Variants in REST observed in about 807,000 individuals in gnomAD.
REST encodes the protein RE1 silencing transcription factor.
REST carries 1 observed loss-of-function variant against 30.4 expected under a neutral mutation model. The ratio of observed to expected loss-of-function variants is 0.03; its 90% CI spans 0.01 to 0.16. The LOEUF (loss-of-function observed/expected upper bound fraction) is 0.16, where lower values mean the gene tolerates loss of function less well. REST is among the 10% of genes least tolerant of loss of function. The pLI is 1.00. For missense variants in REST, 1,259 were observed against 1,329.5 expected, an observed-to-expected ratio of 0.95 and a Z score of 0.82; for synonymous variants, 504 against 451.1, an observed-to-expected ratio of 1.12 and a Z score of -1.49.
intron 2 of REST, among the ~76,000 whole-genome samples, chr4:56,913,266 C>A (rs1025941555): frequency 6.6e-6 from 1 of 152,096 alleles, no homozygotes; most frequent in Admixed American, 6.6e-5. Flanking sequence ...TTCAGGCAGT[C>A]CTCCCATCTC....
chr4:56,930,503 A>G lies in REST; in HGVS notation c.1645A>G (p.Ser549Gly). The change falls in exon 4 of 4, where the codon AGC (serine) becomes GGC (glycine). Residue 549 changes from serine to glycine, a missense_variant. Ser to Gly is a moderately conservative substitution (Grantham distance 56). This residue lies in a region of REST where 856 missense variants were observed against 772.8 expected (regional missense o/e 1.11). Coordinates refer to ENST00000309042, the MANE Select transcript of REST (RefSeq NM_005612.5). ...AACAAAAAAGAAAAAGAAGGTAGAA[A>G]GCAAATCCAAAAATAATAGTCAGGA... ...SSTKKKKKVE[S>G]KSKNNSQEVP... 6.2e-7 allele frequency: 1 copy of G among 1,611,466 alleles called. No homozygotes were observed. Among genetic ancestry groups the G allele is most frequent in the Non-Finnish European group, 8.5e-7 (1 of 1,179,428 alleles).
rs1560452115 is a variant in REST at position 56,930,801 on chromosome 4, C to T, written c.1943C>T (p.Pro648Leu). 2.5e-6 allele frequency: 4 copies of T among 1,606,934 alleles called. No individual in the cohort carries two copies. Among genetic ancestry groups the T allele is most frequent in the Non-Finnish European group, 3.4e-6 (4 of 1,176,584 alleles). ...QMEGAQIRPA[P>L]DEPVQMEVVQ... is the part of the protein sequence containing the mutation. ...GAGGGTGCCCAGATACGGCCTGCTC[C>T]TGACGAGCCTGTTCAGATGGAGGTG... is the stretch of plus-strand genomic sequence containing the variant. Residue 648 changes from proline (P) to leucine (L), a missense_variant, in exon 4 of 4, where the codon CCT becomes CTT. By Grantham distance (98) the Pro-to-Leu change is moderately conservative (BLOSUM62 -3). This residue lies in a region of REST where 856 missense variants were observed against 772.8 expected (regional missense o/e 1.11). Transcript: ENST00000309042.
At chr4:56,928,802 T>A (rs1420970088) in intron 3 of REST, among the ~76,000 whole-genome samples, 1 of 151,636 alleles carries the variant, frequency 6.6e-6, no homozygotes, top group Non-Finnish European at 1.5e-5. Flanking sequence ...TTGGCCAGGC[T>A]TGCCTTGAAC....
chr4:56,924,895 G>T (rs1720613901), intron 3 of REST, among the ~76,000 whole-genome samples: 2 of 152,082 alleles, frequency 1.3e-5, no homozygotes, highest in Admixed American at 1.3e-4. Flanking sequence ...GCTATGCACG[G>T]TTGTTCACAC....
At position 56,934,235 on chromosome 4, in the gene REST, A is replaced by C. The variant is rs1324492565; in HGVS notation, c.*2083A>C. 1 of 152,224 alleles carries C rather than the reference A, an allele frequency of 6.6e-6. No homozygotes were observed. The highest frequency in any genetic ancestry group is 1.5e-5 in the Non-Finnish European group (1 of 68,040). 9.4% of individuals were successfully genotyped at this position (152,224 alleles called of 1,614,324 possible). On this transcript the variant is annotated 3_prime_UTR_variant, in exon 4 of 4. Coordinates refer to ENST00000309042, the MANE Select transcript of REST (RefSeq NM_005612.5). ...TTTCTAATGACTAGTTTTAATGTTC[A>C]TGGGTACATTTTACCTAAGTTACCG...
chr4:56,930,753 C>T lies in REST; in HGVS notation c.1895C>T (p.Pro632Leu), dbSNP rs202214963. The T allele has an allele frequency of 3.1e-6, 5 of 1,601,176 alleles. No homozygotes were observed. Among genetic ancestry groups the T allele is most frequent in the Non-Finnish European group, 8.5e-7 (1 of 1,176,182 alleles). The change falls in exon 4 of 4, where the codon CCT becomes CTT. Residue 632 changes from proline to leucine, a missense_variant. This residue lies in a region of REST where 856 missense variants were observed against 772.8 expected (regional missense o/e 1.11). Coordinates refer to ENST00000309042, the MANE Select transcript of REST (RefSeq NM_005612.5). Reference sequence around the variant, plus strand: ...GGGCCCGTTCAGGTGGAGCCGCCACCTCCCATGGAGCATGCTCAGATGGAG... The same window carrying T: ...GGGCCCGTTCAGGTGGAGCCGCCACTTCCCATGGAGCATGCTCAGATGGAG... ...QKGPVQVEPP[P>L]PMEHAQMEGA...
At chr4:56,917,875 C>A (rs918929892) in intron 2 of REST, among the ~76,000 whole-genome samples, 1 of 151,290 alleles carries the variant, frequency 6.6e-6, no homozygotes, top group Non-Finnish European at 1.5e-5. Context: ...CAAGGTGAAA[C>A]CCCGTCTCTG....
At position 56,910,996 on chromosome 4, in the gene REST, G is replaced by C. The variant is rs772055621; in HGVS notation, c.358G>C (p.Glu120Gln). The C allele has an allele frequency of 1.2e-6, 2 of 1,614,048 alleles. No homozygotes were observed. Among genetic ancestry groups the C allele is most frequent in the African/African-American group, 2.7e-5 (2 of 74,900 alleles). ...ELRSLELSVV[E>Q]PQPVFEASGA... is the part of the protein sequence containing the mutation. ...GAGAAGTTTGGAACTCAGCGTCGTA[G>C]AACCTCAGCCTGTATTTGAGGCATC... Residue 120 changes from glutamate to glutamine, a missense_variant, in exon 2 of 4, where the codon GAA (glutamate) becomes CAA (glutamine). Glu to Gln is a conservative substitution (Grantham distance 29). Coordinates refer to ENST00000309042, the MANE Select transcript of REST (RefSeq NM_005612.5).
chr4:56,923,942 T>C (rs13146960), intron 3 of REST, among the ~76,000 whole-genome samples: 54,040 of 151,712 alleles, frequency 0.36, 9,911 homozygotes, highest in Middle Eastern at 0.5. Flanking sequence ...AGGATAGTCT[T>C]GATCTCCTGA....
chr4:56,929,437 GC>G (rs746461543), intron 3 of REST, among the ~76,000 whole-genome samples: 1 of 152,194 alleles, frequency 6.6e-6, no homozygotes, highest in Non-Finnish European at 1.5e-5. Flanking sequence ...ATAGTTGTGA[GC>G]CACTGCACCT....
At chr4:56,929,742 AAT>A (rs1720879127) in intron 3 of REST, 97 bp from the exon 4 acceptor site, 1 of 1,040,954 alleles carries the variant, frequency 9.6e-7, no homozygotes, top group Non-Finnish European at 1.4e-6. Flanking sequence ...CAGCATTTTA[AAT>A]AGTCTTTGTT....
At position 56,931,648 on chromosome 4, in the gene REST, G is replaced by C. The variant is rs1245786650; in HGVS notation, c.2790G>C (p.Glu930Asp). The C allele has an allele frequency of 1.2e-6, 2 of 1,614,228 alleles. No homozygotes were observed. The highest frequency in any genetic ancestry group is 1.1e-5 in the South Asian group (1 of 91,078). The change falls in exon 4 of 4, where the codon GAG (glutamate) becomes GAC (aspartate). Residue 930 changes from glutamate to aspartate, a missense_variant. Glu to Asp is a conservative substitution (Grantham distance 45). Coordinates refer to ENST00000309042, the MANE Select transcript of REST (RefSeq NM_005612.5). ...CTGGACAAAACTTGAATACGCCAGAGGGTGAAACTTTAAATGGTAAACATC... is the reference window on the plus strand; with the variant it reads ...CTGGACAAAACTTGAATACGCCAGACGGTGAAACTTTAAATGGTAAACATC... ...SSSGQNLNTPEGETLNGKHQT... is the reference protein window; with the variant it reads ...SSSGQNLNTPDGETLNGKHQT...
chr4:56,931,570 G>C lies in REST; in HGVS notation c.2712G>C (p.Glu904Asp), dbSNP rs1273658722. ...LQKVGAEEADESLPGLAANIN... is the reference protein window; with the variant it reads ...LQKVGAEEADDSLPGLAANIN... ...AAGTAGGAGCAGAAGAGGCAGATGAGAGCCTACCTGGTCTTGCTGCTAATA... is the reference window on the plus strand; with the variant it reads ...AAGTAGGAGCAGAAGAGGCAGATGACAGCCTACCTGGTCTTGCTGCTAATA... The change falls in exon 4 of 4, where the codon GAG (glutamate) becomes GAC (aspartate). Residue 904 changes from glutamate to aspartate, a missense_variant. Glu to Asp is a conservative substitution (Grantham distance 45). Coordinates refer to ENST00000309042, the MANE Select transcript of REST (RefSeq NM_005612.5). 1 of 1,614,236 alleles carries C rather than the reference G, an allele frequency of 6.2e-7. No homozygotes were observed. Among genetic ancestry groups the C allele is most frequent in the Non-Finnish European group, 8.5e-7 (1 of 1,180,044 alleles).
chr4:56,924,619 GT>G (rs11317856), intron 3 of REST, among the ~76,000 whole-genome samples: 55,297 of 146,984 alleles, frequency 0.38, 10,645 homozygotes, highest in South Asian at 0.52. Context: ...TACCATGCCT[GT>G]TTTTTTTTTT....
chr4:56,928,260 C>T (rs947588896), intron 3 of REST, among the ~76,000 whole-genome samples: 1 of 152,098 alleles, frequency 6.6e-6, no homozygotes, highest in Admixed American at 6.6e-5. Flanking sequence ...GCATCTGCCA[C>T]TACACCCGGC....
chr4:56,933,191 T>C lies in REST; in HGVS notation c.*1039T>C, dbSNP rs1721036282. 6.6e-6 allele frequency: 1 copy of C among 152,202 alleles called. No homozygotes were observed. The highest frequency in any genetic ancestry group is 6.5e-5 in the Admixed American group (1 of 15,276). The allele number at this position is 152,202 out of a possible 1,614,324, so 9.4% of individuals were successfully genotyped here. A position where few individuals can be genotyped will look rare whatever the true frequency, so the allele number is the denominator to read the frequency against. On this transcript the variant is annotated 3_prime_UTR_variant, in exon 4 of 4. Coordinates refer to ENST00000309042, the MANE Select transcript of REST (RefSeq NM_005612.5). Reference sequence around the variant, plus strand: ...ATGTCGAACAAATTTTTATCTCAAATACCAACCATCAGTTTTTTTTTTCAT... The same window carrying C: ...ATGTCGAACAAATTTTTATCTCAAACACCAACCATCAGTTTTTTTTTTCAT...
intron 2 of REST, among the ~76,000 whole-genome samples, chr4:56,914,922 C>CTTTTTTTTTTTTTTTTTTTTG (rs1720112220): frequency 1.1e-5 from 1 of 92,116 alleles, no homozygotes; most frequent in Non-Finnish European, 2.0e-5. Context: ...TTTTTTTTAA[C>CTTTTTTTTTTTTTTTTTTTTG]TTTTTTTTTT....
rs755279791 is a variant in REST at position 56,910,690 on chromosome 4, A to G, written c.52A>G (p.Ser18Gly). 1.9e-6 allele frequency: 3 copies of G among 1,613,958 alleles called. No individual in the cohort carries two copies. The highest frequency in any genetic ancestry group is 3.3e-5 in the Admixed American group (2 of 59,990). Reference protein sequence around the residue: ...QSSGGGGLFTSSGNIGMALPN... With the variant: ...QSSGGGGLFTGSGNIGMALPN... The stretch of plus-strand genomic sequence containing the variant: ...TTCTGGAGGAGGAGGGCTGTTTACC[A>G]GCAGTGGCAACATTGGAATGGCCCT... Residue 18 changes from serine (S) to glycine (G), a missense_variant, in exon 2 of 4, where the codon AGC (serine) becomes GGC (glycine). Physicochemically the swap from Ser to Gly is moderately conservative, Grantham distance 56. This residue lies in a region of REST where 249 missense variants were observed against 251.5 expected (regional missense o/e 0.99). Transcript: ENST00000309042.
At chr4:56,922,532 C>T (rs953487818) in intron 3 of REST, among the ~76,000 whole-genome samples, 23 of 152,046 alleles carry the variant, frequency 1.5e-4, no homozygotes, top group African/African-American at 5.3e-4. Context: ...AGCCTGGTCT[C>T]GAACTCCTGA....
Sources: gnomAD v4.1 joint callset for allele counts (sites outside exome capture counted in the v4.1 genomes callset) on GRCh38, gnomAD v4.1.1 for gene constraint, gnomAD v4.1.1 regional missense constraint, MANE v1.5 for transcripts, NCBI Gene and HGNC (gene_info 2026-07-23, HGNC 2026-07-21) for gene names.